Variants in KCNIP4 observed in about 807,000 individuals in gnomAD.
KCNIP4 encodes the protein Kv channel-interacting protein 4.
In KCNIP4, 12 loss-of-function variants were observed where a neutral mutation model predicts 34.0. The observed-to-expected ratio is 0.35, with a 90% CI of 0.23 to 0.57. KCNIP4 has a LOEUF of 0.57. Among genes scored for constraint, KCNIP4 ranks in the 20% least tolerant of loss-of-function variants. The pLI, the probability that KCNIP4 is intolerant of heterozygous loss-of-function variation, is 0.83. For missense variants in KCNIP4, 238 were observed against 311.7 expected, an observed-to-expected ratio of 0.76 and a Z score of 1.78; for synonymous variants, 124 against 102.2, an observed-to-expected ratio of 1.21 and a Z score of -1.29.
intron 1 of KCNIP4, among the ~76,000 whole-genome samples, chr4:21,295,236 C>T (rs1022009627): frequency 6.6e-6 from 1 of 152,080 alleles, no homozygotes; most frequent in Non-Finnish European, 1.5e-5. Context: ...GATTGGGCCA[C>T]AGGCAGTTGT....
At chr4:21,663,939 C>T (rs923845191) in intron 1 of KCNIP4, among the ~76,000 whole-genome samples, 1 of 151,978 alleles carries the variant, frequency 6.6e-6, no homozygotes, top group South Asian at 2.1e-4. Context: ...TTTTTGTTTG[C>T]TTTTGTTTTG....
At chr4:21,174,894 A>G (rs1016162519) in intron 1 of KCNIP4, among the ~76,000 whole-genome samples, 2 of 135,244 alleles carry the variant, frequency 1.5e-5, no homozygotes, top group African/African-American at 5.5e-5. Flanking sequence ...AGAGCGAGAC[A>G]CTGTCTCAAA....
chr4:21,106,369 T>G (rs1748534404), intron 1 of KCNIP4, among the ~76,000 whole-genome samples: 1 of 151,794 alleles, frequency 6.6e-6, no homozygotes, highest in South Asian at 2.1e-4. Flanking sequence ...TTCTAGATTT[T>G]CTAGTTTATT....
At chr4:21,046,739 G>A (rs958914269) in intron 1 of KCNIP4, among the ~76,000 whole-genome samples, 5 of 151,998 alleles carry the variant, frequency 3.3e-5, no homozygotes, top group African/African-American at 1.2e-4. Context: ...TTACAGGCAC[G>A]CGCAACCACG....
chr4:21,316,601 CCTGGGAACTTGAAG>C (rs1268691809), intron 1 of KCNIP4: 1 of 152,160 alleles, frequency 6.6e-6, no homozygotes, highest in East Asian at 1.9e-4. Flanking sequence ...CCACTGGCAA[CCTGGGAACTTGAAG>C]CTGGTTGGCA....
At chr4:21,792,420 G>T (rs1720357723) in intron 1 of KCNIP4, among the ~76,000 whole-genome samples, 1 of 152,046 alleles carries the variant, frequency 6.6e-6, no homozygotes, top group South Asian at 2.1e-4. Flanking sequence ...TGTGCTAATG[G>T]CATAAAATTG....
intron 3 of KCNIP4, among the ~76,000 whole-genome samples, chr4:20,793,220 T>C (rs955644203): frequency 5.9e-5 from 9 of 152,098 alleles, no homozygotes; most frequent in Non-Finnish European, 1.0e-4. Context: ...ATACCTATAA[T>C]GGAATAGTAC....
At chr4:21,794,608 AGCCGGGC>A (rs1042546134) in intron 1 of KCNIP4, among the ~76,000 whole-genome samples, 1 of 152,094 alleles carries the variant, frequency 6.6e-6, no homozygotes, top group Non-Finnish European at 1.5e-5. Flanking sequence ...TCACTGAGAC[AGCCGGGC>A]GCAGTGACTC....
chr4:21,383,537 A>T (rs1372780324), intron 1 of KCNIP4, among the ~76,000 whole-genome samples: 1 of 152,010 alleles, frequency 6.6e-6, no homozygotes, highest in Non-Finnish European at 1.5e-5. Context: ...GAGTTTTAGA[A>T]AAAGAATGCA....
At chr4:21,441,684 A>C (rs1416761949) in intron 1 of KCNIP4, among the ~76,000 whole-genome samples, 1 of 152,110 alleles carries the variant, frequency 6.6e-6, no homozygotes, top group Non-Finnish European at 1.5e-5. Flanking sequence ...TCATCCTCCT[A>C]CGATTACTTT....
At chr4:21,933,073 C>T (rs1044460777) in intron 1 of KCNIP4, among the ~76,000 whole-genome samples, 1 of 127,468 alleles carries the variant, frequency 7.8e-6, no homozygotes, top group African/African-American at 2.8e-5. Flanking sequence ...AAAAACAGAA[C>T]ACCAAAATAG....
At chr4:20,852,176 G>A (rs1326491900) in intron 2 of KCNIP4, among the ~76,000 whole-genome samples, 1 of 150,904 alleles carries the variant, frequency 6.6e-6, no homozygotes, top group African/African-American at 2.4e-5. Flanking sequence ...ATAACCAAAA[G>A]AGAACACTAC....
At chr4:21,675,042 C>T (rs572807719) in intron 1 of KCNIP4, among the ~76,000 whole-genome samples, 1 of 152,026 alleles carries the variant, frequency 6.6e-6, no homozygotes, top group Admixed American at 6.6e-5. Flanking sequence ...TTGGAAGCAA[C>T]CTAATTGTCC....
At chr4:21,866,217 G>C (rs998767133) in intron 1 of KCNIP4, among the ~76,000 whole-genome samples, 22 of 152,104 alleles carry the variant, frequency 1.4e-4, no homozygotes, top group Admixed American at 1.1e-3. Context: ...TGCAAACACT[G>C]AGACTTTGCA....
chr4:21,459,451 A>C (rs1366436069), intron 1 of KCNIP4, among the ~76,000 whole-genome samples: 2 of 152,008 alleles, frequency 1.3e-5, no homozygotes, highest in African/African-American at 4.8e-5. Flanking sequence ...CAGGGACTAC[A>C]TTTAGACTTT....
chr4:20,836,074 G>A (rs369400862), intron 3 of KCNIP4, among the ~76,000 whole-genome samples: 1 of 152,232 alleles, frequency 6.6e-6, no homozygotes, highest in African/African-American at 2.4e-5. Context: ...GCCAAATAGA[G>A]TTTTGTTTTA....
At chr4:21,059,797 C>T (rs542769986) in intron 1 of KCNIP4, among the ~76,000 whole-genome samples, 1 of 152,158 alleles carries the variant, frequency 6.6e-6, no homozygotes, top group South Asian at 2.1e-4. Flanking sequence ...TCATTTCATT[C>T]ATTTATCACT....
chr4:21,720,020 A>G (rs1295416545), intron 1 of KCNIP4, among the ~76,000 whole-genome samples: 1 of 123,024 alleles, frequency 8.1e-6, no homozygotes, highest in Admixed American at 7.4e-5. Context: ...AAGAAGAAGG[A>G]GAAGGAGAAG....
intron 4 of KCNIP4, among the ~76,000 whole-genome samples, chr4:20,751,700 GAAA>G (rs1467811285): frequency 6.6e-6 from 1 of 151,952 alleles, no homozygotes; most frequent in African/African-American, 2.4e-5. Flanking sequence ...TAATCAAAAA[GAAA>G]AAAGATAACA....
Sources: gnomAD v4.1 joint callset for allele counts (sites outside exome capture counted in the v4.1 genomes callset) on GRCh38, gnomAD v4.1.1 for gene constraint, MANE v1.5 for transcripts, NCBI Gene and HGNC (gene_info 2026-07-23, HGNC 2026-07-21) for gene names.